The following SRD5A2 variants were observed in gnomAD, a reference collection of about 807,000 sequenced individuals.
SRD5A2 encodes the protein 3-oxo-5-alpha-steroid 4-dehydrogenase 2.
SRD5A2 carries 30 observed loss-of-function variants against 27.4 expected under a neutral mutation model. The ratio of observed to expected loss-of-function variants is 1.10; its 90% CI spans 0.82 to 1.49. The LOEUF (loss-of-function observed/expected upper bound fraction) is 1.49, where lower values mean the gene tolerates loss of function less well. Among genes scored for constraint, SRD5A2 ranks in the 40% most tolerant of loss-of-function variants. The pLI, the probability that SRD5A2 is intolerant of heterozygous loss-of-function variation, is 0.00. For missense variants in SRD5A2, 348 were observed against 323.4 expected (o/e 1.08, Z -0.58); for synonymous variants, 141 against 133.6 (o/e 1.06, Z -0.38).
chr2:31,615,416 A>G, the SRD5A2 span, among the ~76,000 whole-genome samples: 1 of 152,058 alleles, frequency 6.6e-6, no homozygotes, highest in South Asian at 2.1e-4. Context: ...CTAGTTGGGA[A>G]CTGGAGTAAA....
intron 3 of SRD5A2, among the ~76,000 whole-genome samples, chr2:31,529,764 G>A (rs989723322): frequency 4.6e-5 from 7 of 152,148 alleles, no homozygotes; most frequent in African/African-American, 1.7e-4. Context: ...GGTGTAGGAG[G>A]TCTGGTTTTT....
At chr2:31,566,594 T>C (rs1234673349) in intron 1 of SRD5A2, among the ~76,000 whole-genome samples, 2 of 152,198 alleles carry the variant, frequency 1.3e-5, no homozygotes, top group African/African-American at 2.4e-5. Context: ...GGTAACATGA[T>C]TGCATGTTAA....
rs761824859 is a variant in SRD5A2, at chr2:31,580,842, A to G, written c.59T>C (p.Leu20Pro). The G allele has an allele frequency of 3.1e-6, 5 of 1,611,970 alleles. No individual in the cohort carries two copies. In the East Asian group the frequency reaches 6.7e-5, roughly 22 times the overall value. ...CGCGACGTACAAGGCCAGTGCCCCAAGGGCGACCAAAGTGGCGCTGCCTGC... is the reference window on the plus strand; with the variant it reads ...CGCGACGTACAAGGCCAGTGCCCCAGGGGCGACCAAAGTGGCGCTGCCTGC... ...VLAGSATLVALGALALYVAKP... is the reference protein window; with the variant it reads ...VLAGSATLVAPGALALYVAKP... Residue 20 changes from leucine (L) to proline (P), a missense_variant, in exon 1 of 5, where the codon CTT becomes CCT. By Grantham distance (98) the Leu-to-Pro change is moderately conservative (BLOSUM62 -3). Transcript: ENST00000622030.
At chr2:31,622,264 T>C in the SRD5A2 span, among the ~76,000 whole-genome samples, 1 of 152,146 alleles carries the variant, frequency 6.6e-6, no homozygotes, top group African/African-American at 2.4e-5. Flanking sequence ...GATAATGGCT[T>C]CCAGCTCCAT....
In SRD5A2 at chr2:31,523,930, T is replaced by C. The variant is rs1665715767; in HGVS notation, c.*2266A>G. 4 of 217,992 alleles carry C rather than the reference T, an allele frequency of 1.8e-5. 1 individual carries two copies. In the South Asian group the frequency reaches 5.6e-4, roughly 30 times the overall value. 13.5% of individuals were successfully genotyped at this position (217,992 alleles called of 1,614,324 possible). On this transcript the variant is annotated 3_prime_UTR_variant, in exon 5 of 5. Coordinates refer to ENST00000622030, the MANE Select transcript of SRD5A2 (RefSeq NM_000348.4). ...GTTTCAGCTTTCATAGAGTTCACGC[T>C]ACTCTACCCTATATTCAGATTAAGA...
intron 1 of SRD5A2, among the ~76,000 whole-genome samples, chr2:31,556,117 T>C (rs1011506030): frequency 6.6e-6 from 1 of 152,226 alleles, no homozygotes; most frequent in Non-Finnish European, 1.5e-5. Flanking sequence ...TCTGAGCACT[T>C]GCTCCACTTC....
intron 1 of SRD5A2, among the ~76,000 whole-genome samples, chr2:31,556,831 G>C (rs896482346): frequency 3.3e-5 from 5 of 152,192 alleles, no homozygotes; most frequent in Non-Finnish European, 7.3e-5. Context: ...ACACTATTGA[G>C]ATCAATTTCA....
the SRD5A2 span, among the ~76,000 whole-genome samples, chr2:31,611,263 T>G: frequency 6.6e-6 from 1 of 152,080 alleles, no homozygotes; most frequent in Non-Finnish European, 1.5e-5. Context: ...CTACCAAAAT[T>G]ATAGATTCAT....
the SRD5A2 span, among the ~76,000 whole-genome samples, chr2:31,601,249 C>T: frequency 6.6e-6 from 1 of 151,624 alleles, no homozygotes; most frequent in African/African-American, 2.4e-5. Flanking sequence ...TATCTCCTAC[C>T]CCACAGAAAT....
chr2:31,540,447 A>G (rs1666107287), intron 1 of SRD5A2, among the ~76,000 whole-genome samples: 1 of 152,220 alleles, frequency 6.6e-6, no homozygotes, highest in South Asian at 2.1e-4. Context: ...GGTTGATGAC[A>G]AGAAACTCAC....
chr2:31,636,557 G>T, the SRD5A2 span, among the ~76,000 whole-genome samples: 1 of 152,038 alleles, frequency 6.6e-6, no homozygotes, highest in Non-Finnish European at 1.5e-5. Context: ...TCTTGTTCCA[G>T]TCTTTAGAGG....
Position 31,535,962 on chromosome 2 carries a change from T to C in SRD5A2, c.282-2196A>G, listed in dbSNP as rs28383034. On this transcript the variant is annotated intron_variant, in intron 1 of 4. Transcript: ENST00000622030. ...GTGATCTTGGACAAACTCCTTCATC[T>C]GTAAACTGAGGTTAATTATTAACCT... 1.8e-3 allele frequency among the ~76,000 whole-genome samples: 271 copies of C among 152,356 alleles called. 2 individuals carry two copies. The highest frequency in any genetic ancestry group is 6.3e-3 in the African/African-American group (262 of 41,584).
At chr2:31,630,577 G>A in the SRD5A2 span, among the ~76,000 whole-genome samples, 247 of 152,232 alleles carry the variant, frequency 1.6e-3, no homozygotes, top group African/African-American at 3.6e-3. Context: ...AGGAACCCAC[G>A]GATGGCCCAA....
At position 31,531,926 on chromosome 2, in the gene SRD5A2, C is replaced by A. The variant is rs28383053; in HGVS notation, c.446-454G>T. ...AAGGGGGTCACATGAGCTAGTTCCACCAATAAGATGTAAAGTGAAGTCTTG... is the reference window on the plus strand; with the variant it reads ...AAGGGGGTCACATGAGCTAGTTCCAACAATAAGATGTAAAGTGAAGTCTTG... On this transcript the variant is annotated intron_variant, in intron 2 of 4. Transcript: ENST00000622030. 9.7e-3 allele frequency among the ~76,000 whole-genome samples: 1,479 copies of A among 152,292 alleles called. 22 individuals are homozygous for A. Among genetic ancestry groups the A allele is most frequent in the South Asian group, 0.043 (209 of 4,828 alleles).
At chr2:31,606,752 T>C in the SRD5A2 span, among the ~76,000 whole-genome samples, 1 of 151,946 alleles carries the variant, frequency 6.6e-6, no homozygotes, top group African/African-American at 2.4e-5. Context: ...TCATCTCCAT[T>C]CTGAGTCACA....
chr2:31,596,545 C>T, the SRD5A2 span, among the ~76,000 whole-genome samples: 1 of 152,038 alleles, frequency 6.6e-6, no homozygotes, highest in East Asian at 1.9e-4. Flanking sequence ...AAGAGGAAGT[C>T]AAACTGTCAC....
At chr2:31,592,852 G>A in the SRD5A2 span, among the ~76,000 whole-genome samples, 1 of 152,160 alleles carries the variant, frequency 6.6e-6, no homozygotes, top group Admixed American at 6.5e-5. Context: ...TGAATTACCA[G>A]ATAAAGAATT....
chr2:31,608,585 C>T, the SRD5A2 span, among the ~76,000 whole-genome samples: 1 of 151,582 alleles, frequency 6.6e-6, no homozygotes, highest in African/African-American at 2.4e-5. Context: ...TTACAAAATA[C>T]AGGATTAATA....
At chr2:31,645,855 G>A in the SRD5A2 span, among the ~76,000 whole-genome samples, 343 of 152,164 alleles carry the variant, frequency 2.3e-3, 1 homozygote, top group African/African-American at 7.7e-3. Flanking sequence ...TGTGGCTCAC[G>A]TATATAATTC....
Sources: gnomAD v4.1 joint callset for allele counts (sites outside exome capture counted in the v4.1 genomes callset) on GRCh38, gnomAD v4.1.1 for gene constraint, MANE v1.5 for transcripts, NCBI Gene and HGNC (gene_info 2026-07-23, HGNC 2026-07-21) for gene names.